The following SHANK2 variants were observed in gnomAD, a reference collection of about 807,000 sequenced individuals.
SHANK2 encodes the protein SH3 and multiple ankyrin repeat domains 2, also known as SH3 and multiple ankyrin repeat domains protein 2.
A neutral mutation model predicts 133.7 loss-of-function variants in SHANK2; 43 were observed. The ratio of observed to expected loss-of-function variants is 0.32; its 90% confidence interval spans 0.25 to 0.41. The LOEUF is 0.41. Among genes scored for constraint, SHANK2 ranks in the 10% least tolerant of loss-of-function variants. The pLI is 1.00. For missense variants in SHANK2, 1,994 were observed against 2,235.8 expected, an observed-to-expected ratio of 0.89 and a Z score of 2.18; for synonymous variants, 1,017 against 952.8, an observed-to-expected ratio of 1.07 and a Z score of -1.24.
intron 14 of SHANK2, among the ~76,000 whole-genome samples, chr11:70,699,791 C>T (rs1057055038): frequency 6.6e-6 from 1 of 152,246 alleles, no homozygotes; most frequent in Admixed American, 6.5e-5. Context: ...TGTGGTGTTG[C>T]CCTTGAGGGC....
intron 23 of SHANK2, chr11:70,489,645 A>C (rs1555155226): frequency 4.1e-6 from 2 of 489,526 alleles, no homozygotes; most frequent in African/African-American, 1.9e-5. Context: ...CTTAGCTTCT[A>C]CCAGAATTGA....
At chr11:71,147,060 C>A (rs1474642593) in intron 3 of SHANK2, 60 bp downstream of exon 3, 1 of 1,409,670 alleles carries the variant, frequency 7.1e-7, no homozygotes, top group Non-Finnish European at 9.6e-7. Flanking sequence ...AGGCCTCTGG[C>A]GTTCAAGCCA....
At chr11:70,594,841 A>T (rs190779832) in intron 17 of SHANK2, among the ~76,000 whole-genome samples, 15 of 152,180 alleles carry the variant, frequency 9.9e-5, no homozygotes, top group Non-Finnish European at 1.9e-4. Flanking sequence ...GCAGCTGCGG[A>T]TTCCCACCCA....
intron 14 of SHANK2, among the ~76,000 whole-genome samples, chr11:70,773,131 C>T (rs1947289245): frequency 6.6e-6 from 1 of 152,136 alleles, no homozygotes; most frequent in Non-Finnish European, 1.5e-5. Context: ...CCTTCTAGAA[C>T]TTGTAGGAGG....
intron 14 of SHANK2, among the ~76,000 whole-genome samples, chr11:70,774,800 T>A (rs1181537269): frequency 6.6e-6 from 1 of 152,200 alleles, no homozygotes; most frequent in Non-Finnish European, 1.5e-5. Context: ...AAGGTTGGTG[T>A]CCTGTGTGAA....
intron 14 of SHANK2, among the ~76,000 whole-genome samples, chr11:70,745,384 T>C (rs1479234961): frequency 6.6e-6 from 1 of 152,168 alleles, no homozygotes; most frequent in African/African-American, 2.4e-5. Context: ...CTCTCATCTA[T>C]CACCCTCCTT....
At chr11:71,201,597 G>A (rs184346948) in intron 2 of SHANK2, among the ~76,000 whole-genome samples, 1 of 152,340 alleles carries the variant, frequency 6.6e-6, no homozygotes, top group East Asian at 1.9e-4. Context: ...AGACACCAGT[G>A]ACCTCAGCTT....
At chr11:70,870,595 G>T (rs1555069995) in intron 11 of SHANK2, among the ~76,000 whole-genome samples, 1 of 151,400 alleles carries the variant, frequency 6.6e-6, no homozygotes, top group Admixed American at 6.6e-5. Flanking sequence ...GTTGGCAGTG[G>T]GGGGGTTCAC....
intron 21 of SHANK2, among the ~76,000 whole-genome samples, chr11:70,497,228 T>A (rs2058983769): frequency 6.6e-6 from 1 of 152,218 alleles, no homozygotes; most frequent in Non-Finnish European, 1.5e-5. Context: ...TGCTCAGTCC[T>A]TATCTTGGAG....
intron 17 of SHANK2, among the ~76,000 whole-genome samples, chr11:70,534,547 T>C (rs1024169614): frequency 7.9e-5 from 12 of 152,224 alleles, no homozygotes; most frequent in African/African-American, 2.9e-4. Flanking sequence ...GAAGCCACCA[T>C]GGAGGGCCCA....
At chr11:70,545,571 C>T (rs1478811185) in intron 17 of SHANK2, among the ~76,000 whole-genome samples, 11 of 152,346 alleles carry the variant, frequency 7.2e-5, no homozygotes, top group Admixed American at 1.3e-4. Flanking sequence ...GCCACTGGGA[C>T]GGGATAATTC....
intron 14 of SHANK2, among the ~76,000 whole-genome samples, chr11:70,778,512 A>T (rs1555044427): frequency 6.6e-6 from 1 of 152,188 alleles, no homozygotes; most frequent in African/African-American, 2.4e-5. Context: ...GAGGTAATTA[A>T]GATTAAATGA....
At chr11:70,682,717 G>A (rs372120611) in intron 15 of SHANK2, among the ~76,000 whole-genome samples, 12 of 152,322 alleles carry the variant, frequency 7.9e-5, no homozygotes, top group Admixed American at 3.3e-4. Flanking sequence ...CACAGAGAAG[G>A]AGGCCTGGAG....
intron 11 of SHANK2, among the ~76,000 whole-genome samples, chr11:70,828,715 CG>C: frequency 6.6e-6 from 1 of 152,326 alleles, no homozygotes; most frequent in East Asian, 1.9e-4. Context: ...GAGGCTGAGA[CG>C]GGGATGCCAC....
intron 17 of SHANK2, among the ~76,000 whole-genome samples, chr11:70,525,505 A>G (rs1020624843): frequency 2.6e-5 from 4 of 151,816 alleles, no homozygotes; most frequent in Non-Finnish European, 5.9e-5. Flanking sequence ...GGAGCATGAG[A>G]CAGACTAAGA....
At chr11:70,949,526 C>A (rs12272374) in intron 10 of SHANK2, among the ~76,000 whole-genome samples, 8,772 of 152,300 alleles carry the variant, frequency 0.058, 847 homozygotes, top group African/African-American at 0.2. Context: ...GGAGGTGGCA[C>A]CAGCCATGTT....
chr11:71,102,728 C>A (rs925545082), intron 6 of SHANK2, among the ~76,000 whole-genome samples: 1 of 152,234 alleles, frequency 6.6e-6, no homozygotes, highest in Non-Finnish European at 1.5e-5. Context: ...TGCCAAGAGA[C>A]CCCTGTTCGT....
intron 17 of SHANK2, among the ~76,000 whole-genome samples, chr11:70,638,358 A>G (rs1555005118): frequency 6.6e-6 from 1 of 152,162 alleles, no homozygotes; most frequent in African/African-American, 2.4e-5. Context: ...CAATGCTTCT[A>G]TTGTCACGGA....
intron 14 of SHANK2, among the ~76,000 whole-genome samples, chr11:70,718,141 C>T (rs1555027921): frequency 6.6e-6 from 1 of 152,220 alleles, no homozygotes; most frequent in Non-Finnish European, 1.5e-5. Flanking sequence ...ATTACGCATG[C>T]CATTAGCAGG....
Sources: gnomAD v4.1 joint callset for allele counts (sites outside exome capture counted in the v4.1 genomes callset) on GRCh38, gnomAD v4.1.1 for gene constraint, MANE v1.5 for transcripts, NCBI Gene and HGNC (gene_info 2026-07-23, HGNC 2026-07-21) for gene names.